Variants in PRKCA observed in about 807,000 individuals in gnomAD.
PRKCA encodes the protein protein kinase C alpha type.
A neutral mutation model predicts 87.0 loss-of-function variants in PRKCA; 27 were observed. The observed-to-expected ratio is 0.31, with a 90% CI of 0.23 to 0.43. PRKCA has a LOEUF of 0.43. Among genes scored for constraint, PRKCA ranks in the 20% least tolerant of loss-of-function variants. The pLI is 1.00. For missense variants in PRKCA, 518 were observed against 852.3 expected (o/e 0.61, Z 4.88); for synonymous variants, 329 against 311.1 (o/e 1.06, Z -0.61).
chr17:66,475,964 T>C (rs1915519509), intron 2 of PRKCA, among the ~76,000 whole-genome samples: 1 of 152,212 alleles, frequency 6.6e-6, no homozygotes, highest in Non-Finnish European at 1.5e-5. Flanking sequence ...TGGTGCGATC[T>C]CTGCTCACTT....
At chr17:66,333,596 T>G (rs1409358745) in intron 2 of PRKCA, among the ~76,000 whole-genome samples, 1 of 152,166 alleles carries the variant, frequency 6.6e-6, no homozygotes, top group African/African-American at 2.4e-5. Flanking sequence ...AGAGAACCTC[T>G]TATTCCCCAT....
chr17:66,728,289 G>T (rs1973804145), intron 8 of PRKCA, among the ~76,000 whole-genome samples: 1 of 152,238 alleles, frequency 6.6e-6, no homozygotes, highest in Non-Finnish European at 1.5e-5. Flanking sequence ...CCACTGAGAA[G>T]CTACCTCTCT....
intron 2 of PRKCA, among the ~76,000 whole-genome samples, chr17:66,396,217 G>A (rs1400661191): frequency 6.6e-6 from 1 of 152,180 alleles, no homozygotes; most frequent in Non-Finnish European, 1.5e-5. Flanking sequence ...AGGTTCAGCT[G>A]CAAATGCAGG....
chr17:66,336,634 TTATATAGTAAATTATTAAACATTTGCC>T (rs140945293), intron 2 of PRKCA, among the ~76,000 whole-genome samples: 11,017 of 142,568 alleles, frequency 0.077, 1,161 homozygotes, highest in African/African-American at 0.24. Context: ...AAAGTACCTG[TTATATAGTAAATTATTAAACATTTGCC>T]TATATAGTAA....
chr17:66,760,986 A>C (rs2144295328), intron 13 of PRKCA, among the ~76,000 whole-genome samples: 1 of 152,276 alleles, frequency 6.6e-6, no homozygotes, highest in South Asian at 2.1e-4. Context: ...CTCTAAATAG[A>C]TTTTAAAGCA....
chr17:66,611,360 C>A (rs971148437), intron 3 of PRKCA, among the ~76,000 whole-genome samples: 4 of 152,152 alleles, frequency 2.6e-5, no homozygotes, highest in African/African-American at 9.7e-5. Context: ...TCCCCATTAT[C>A]CCGACCCTTG....
At chr17:66,798,707 G>A (rs1486182908) in intron 16 of PRKCA, among the ~76,000 whole-genome samples, 1 of 18,442 alleles carries the variant, frequency 5.4e-5, no homozygotes, top group Non-Finnish European at 1.3e-4. Flanking sequence ...GATGGTGGTG[G>A]TGATGGTGGT....
intron 3 of PRKCA, among the ~76,000 whole-genome samples, chr17:66,507,610 C>T (rs372325372): frequency 1.1e-4 from 16 of 152,228 alleles, no homozygotes; most frequent in African/African-American, 3.1e-4. Flanking sequence ...CTGATGGGAC[C>T]GGGTGGGAGC....
intron 2 of PRKCA, among the ~76,000 whole-genome samples, chr17:66,454,399 A>G (rs1203319418): frequency 1.3e-5 from 2 of 152,250 alleles, no homozygotes; most frequent in East Asian, 1.9e-4. Context: ...GGGATAAATG[A>G]TAAAACATTC....
chr17:66,777,757 G>A, intron 14 of PRKCA: 7 of 985,366 alleles, frequency 7.1e-6, no homozygotes, highest in Non-Finnish European at 8.4e-6. Flanking sequence ...AAAAGGGGCT[G>A]GGCGGAAACG....
intron 3 of PRKCA, among the ~76,000 whole-genome samples, chr17:66,557,118 G>C (rs1396940825): frequency 6.6e-6 from 1 of 152,148 alleles, no homozygotes; most frequent in Non-Finnish European, 1.5e-5. Context: ...CAACTGGTTG[G>C]AAATGGAATG....
chr17:66,736,467 G>A (rs768648998), intron 10 of PRKCA, among the ~76,000 whole-genome samples: 2 of 151,962 alleles, frequency 1.3e-5, no homozygotes, highest in Non-Finnish European at 2.9e-5. Flanking sequence ...TAGTAGAGAT[G>A]GGGTTTCACC....
intron 2 of PRKCA, among the ~76,000 whole-genome samples, chr17:66,374,142 C>A (rs1369426443): frequency 6.6e-6 from 1 of 152,138 alleles, no homozygotes; most frequent in Non-Finnish European, 1.5e-5. Flanking sequence ...CCCTTGCTCC[C>A]TGGGCAGGGT....
chr17:66,687,354 T>TA, intron 6 of PRKCA, 87 bp downstream of exon 6: 1 of 1,430,728 alleles, frequency 7.0e-7, no homozygotes, highest in African/African-American at 1.4e-5. Context: ...GTAGGTTCAT[T>TA]ATAAACGTCT....
At chr17:66,371,007 G>A (rs1225085548) in intron 2 of PRKCA, among the ~76,000 whole-genome samples, 2 of 152,116 alleles carry the variant, frequency 1.3e-5, no homozygotes, top group East Asian at 1.9e-4. Flanking sequence ...GTGAATCTCC[G>A]AAACAAATCA....
chr17:66,432,262 G>A (rs541261740), intron 2 of PRKCA, among the ~76,000 whole-genome samples: 39 of 152,148 alleles, frequency 2.6e-4, no homozygotes, highest in Non-Finnish European at 3.7e-4. Flanking sequence ...CCTTGGATGA[G>A]TGCCTTGTTG....
chr17:66,308,790 C>A (rs765976980), intron 2 of PRKCA, among the ~76,000 whole-genome samples: 6 of 152,052 alleles, frequency 3.9e-5, no homozygotes, highest in Admixed American at 2.6e-4. Flanking sequence ...ATATAGTTAC[C>A]CAGCATTTTC....
chr17:66,582,845 C>T lies in PRKCA; in HGVS notation c.289-58510C>T, dbSNP rs1355890359. On this transcript the variant is annotated intron_variant, in intron 3 of 16. Coordinates refer to ENST00000413366, the MANE Select transcript of PRKCA (RefSeq NM_002737.3). ...TAGGCTGATTAAAACTCTCTAAAGCCAGAGGAGGCCTGCATTCCACCCTCA... is the reference window on the plus strand; with the variant it reads ...TAGGCTGATTAAAACTCTCTAAAGCTAGAGGAGGCCTGCATTCCACCCTCA... Among the ~76,000 whole-genome samples, 6 of 152,124 alleles carry T rather than the reference C, an allele frequency of 3.9e-5. No individual in the cohort carries two copies. In the East Asian group the frequency reaches 1.2e-3, roughly 29 times the overall value.
chr17:66,691,891 A>G (rs9896076), intron 8 of PRKCA, among the ~76,000 whole-genome samples: 26,577 of 152,228 alleles, frequency 0.17, 2,385 homozygotes, highest in East Asian at 0.28. Context: ...TTTGTGCTTC[A>G]TTGTCGTGGC....
Sources: gnomAD v4.1 joint callset for allele counts (sites outside exome capture counted in the v4.1 genomes callset) on GRCh38, gnomAD v4.1.1 for gene constraint, MANE v1.5 for transcripts, NCBI Gene and HGNC (gene_info 2026-07-23, HGNC 2026-07-21) for gene names.